Variants in NOX4 observed in about 807,000 individuals in gnomAD.
The protein encoded by NOX4 is kidney oxidase-1.
A neutral mutation model predicts 87.6 loss-of-function variants in NOX4; 69 were observed. The ratio of observed to expected loss-of-function variants is 0.79; its 90% CI spans 0.65 to 0.96. NOX4 has a LOEUF of 0.96. Among genes scored for constraint, NOX4 ranks in the 40% least tolerant of loss-of-function variants. The pLI is 0.00. For missense variants in NOX4, 680 were observed against 681.5 expected, an observed-to-expected ratio of 1.00 and a Z score of 0.02; for synonymous variants, 275 against 238.2, an observed-to-expected ratio of 1.15 and a Z score of -1.42.
the NOX4 span, among the ~76,000 whole-genome samples, chr11:89,567,614 G>A: frequency 1.3e-5 from 2 of 152,118 alleles, no homozygotes; most frequent in African/African-American, 4.8e-5. Flanking sequence ...GAAGGGGGAA[G>A]CCTCTTATAA....
intron 4 of NOX4, among the ~76,000 whole-genome samples, chr11:89,448,367 T>G (rs1355352515): frequency 6.6e-6 from 1 of 152,102 alleles, no homozygotes; most frequent in Non-Finnish European, 1.5e-5. Flanking sequence ...TTCCAAAAAT[T>G]TGAAAAGTAT....
intron 4 of NOX4, among the ~76,000 whole-genome samples, chr11:89,447,179 A>G (rs916279795): frequency 8.5e-5 from 13 of 152,196 alleles, no homozygotes; most frequent in African/African-American, 3.1e-4. Flanking sequence ...TGGCACAGGT[A>G]TAAAATACTA....
At chr11:89,445,904 A>G (rs1326700924) in intron 4 of NOX4, among the ~76,000 whole-genome samples, 1 of 152,120 alleles carries the variant, frequency 6.6e-6, no homozygotes, top group Non-Finnish European at 1.5e-5. Flanking sequence ...TCTGCAAAAG[A>G]CGTTTTGAAC....
chr11:89,420,219 T>C (rs80294402), intron 8 of NOX4, among the ~76,000 whole-genome samples: 1,856 of 152,290 alleles, frequency 0.012, 36 homozygotes, highest in African/African-American at 0.042. Context: ...GGTTTAACAA[T>C]ATTATTTATT....
the NOX4 span, among the ~76,000 whole-genome samples, chr11:89,531,228 C>T: frequency 6.6e-6 from 1 of 152,126 alleles, no homozygotes; most frequent in African/African-American, 2.4e-5. Context: ...ATCAACATAG[C>T]TCTGGGTAGG....
At chr11:89,533,073 C>T in the NOX4 span, among the ~76,000 whole-genome samples, 5 of 152,026 alleles carry the variant, frequency 3.3e-5, no homozygotes, top group African/African-American at 1.2e-4. Flanking sequence ...CTAATACAGA[C>T]AATTTTAAAA....
intron 6 of NOX4, among the ~76,000 whole-genome samples, chr11:89,435,571 A>G (rs1244173345): frequency 6.6e-6 from 1 of 152,078 alleles, no homozygotes; most frequent in East Asian, 1.9e-4. Flanking sequence ...AAATTCAAGA[A>G]ACCTGATTAA....
intron 8 of NOX4, among the ~76,000 whole-genome samples, chr11:89,413,359 T>C (rs1942586402): frequency 1.3e-5 from 2 of 152,140 alleles, no homozygotes; most frequent in African/African-American, 4.8e-5. Context: ...AATCAGTATA[T>C]TGAAGAGATA....
chr11:89,402,989 C>A (rs1389027308), intron 8 of NOX4, among the ~76,000 whole-genome samples: 1 of 152,126 alleles, frequency 6.6e-6, no homozygotes, highest in Non-Finnish European at 1.5e-5. Flanking sequence ...TAAAACAAGC[C>A]TTGCTGATTT....
At chr11:89,395,739 A>G (rs1394518411) in intron 11 of NOX4, among the ~76,000 whole-genome samples, 1 of 152,158 alleles carries the variant, frequency 6.6e-6, no homozygotes, top group Non-Finnish European at 1.5e-5. Context: ...CAATTTTCCC[A>G]GCTCCATTTA....
chr11:89,342,898 T>G (rs1946065996), intron 13 of NOX4, among the ~76,000 whole-genome samples: 1 of 152,162 alleles, frequency 6.6e-6, no homozygotes, highest in African/African-American at 2.4e-5. Flanking sequence ...TCATATAATA[T>G]TCATCCTCCC....
the NOX4 span, chr11:89,577,695 G>A: frequency 6.6e-6 from 1 of 152,048 alleles, no homozygotes; most frequent in African/African-American, 2.4e-5. Flanking sequence ...CTGCAACACA[G>A]AACTGCTTCT....
At chr11:89,329,356 G>GAAAAAAAAAAAAAAACAA (rs1945361355) in intron 17 of NOX4, among the ~76,000 whole-genome samples, 1 of 34,720 alleles carries the variant, frequency 2.9e-5, no homozygotes, top group Non-Finnish European at 5.3e-5. Flanking sequence ...GAAAAAAACT[G>GAAAAAAAAAAAAAAACAA]AAAAAAAAAA....
chr11:89,414,940 CA>C (rs1421118111), intron 8 of NOX4, among the ~76,000 whole-genome samples: 1 of 151,806 alleles, frequency 6.6e-6, no homozygotes, highest in Non-Finnish European at 1.5e-5. Flanking sequence ...CATTCATAAG[CA>C]AGAGTACTTT....
the NOX4 span, among the ~76,000 whole-genome samples, chr11:89,540,647 G>T: frequency 6.6e-6 from 1 of 151,394 alleles, no homozygotes; most frequent in South Asian, 2.1e-4. Flanking sequence ...AATTAGCCGG[G>T]CATGGTGGCG....
At chr11:89,429,145 T>C (rs1279768226) in intron 7 of NOX4, among the ~76,000 whole-genome samples, 9 of 152,160 alleles carry the variant, frequency 5.9e-5, no homozygotes, top group Non-Finnish European at 1.0e-4. Flanking sequence ...GAAATAAAGA[T>C]ATTCTTTGAA....
At chr11:89,376,369 T>C (rs951133152) in intron 11 of NOX4, among the ~76,000 whole-genome samples, 4 of 152,214 alleles carry the variant, frequency 2.6e-5, no homozygotes, top group Non-Finnish European at 4.4e-5. Flanking sequence ...ATAAAAAATA[T>C]CCAGATTCAC....
At chr11:89,386,842 G>T (rs1409998118) in intron 11 of NOX4, among the ~76,000 whole-genome samples, 1 of 151,546 alleles carries the variant, frequency 6.6e-6, no homozygotes, top group Non-Finnish European at 1.5e-5. Context: ...GGATGTCCTG[G>T]GTCCTCCCAA....
chr11:89,406,857 C>A lies in NOX4; in HGVS notation c.630-4315G>T, dbSNP rs902414307. Among the ~76,000 whole-genome samples, 10 of 151,972 alleles carry A rather than the reference C, an allele frequency of 6.6e-5. 1 individual carries two copies. Among genetic ancestry groups the A allele is most frequent in the Middle Eastern group, 3.4e-3 (1 of 294 alleles). On this transcript the variant is annotated intron_variant, in intron 8 of 17. Coordinates refer to ENST00000263317, the MANE Select transcript of NOX4 (RefSeq NM_016931.5). ...TTAATGCCATATAAACATATGATAA[C>A]CTCTTGAGAGTAGAGATGGGTAATG...
Sources: allele counts gnomAD v4.1 joint callset (sites outside exome capture counted in the v4.1 genomes callset), GRCh38; gene constraint gnomAD v4.1.1; transcripts MANE v1.5; gene names NCBI Gene and HGNC (gene_info 2026-07-23, HGNC 2026-07-21).